Variants in CADM2 observed in about 807,000 individuals in gnomAD.
The protein encoded by CADM2 is cell adhesion molecule 2, also known as immunoglobulin superfamily member 4D.
In CADM2, 12 loss-of-function variants were observed where a neutral mutation model predicts 49.8. The observed-to-expected ratio is 0.24, with a 90% CI of 0.15 to 0.39. The LOEUF is 0.39. CADM2 is among the 10% of genes least tolerant of loss of function. The pLI is 1.00. For missense variants in CADM2, 378 were observed against 492.3 expected (o/e 0.77, Z 2.20); for synonymous variants, 214 against 175.4 (o/e 1.22, Z -1.74).
At chr3:85,598,343 A>T (rs563916765) in intron 1 of CADM2, among the ~76,000 whole-genome samples, 1 of 152,102 alleles carries the variant, frequency 6.6e-6, no homozygotes, top group East Asian at 1.9e-4. Context: ...AAATGTATCT[A>T]AAAATAAGCA....
chr3:85,423,985 T>C (rs2036287240), intron 1 of CADM2, among the ~76,000 whole-genome samples: 2 of 152,308 alleles, frequency 1.3e-5, no homozygotes, highest in South Asian at 4.1e-4. Flanking sequence ...TCCTGTCCTT[T>C]GGCATCCGAT....
chr3:85,840,340 A>C (rs2074588620), intron 3 of CADM2, among the ~76,000 whole-genome samples: 1 of 151,840 alleles, frequency 6.6e-6, no homozygotes. Context: ...TTCTATGAGG[A>C]TATCCATGAC....
At chr3:85,290,526 C>T (rs1214032956) in intron 1 of CADM2, among the ~76,000 whole-genome samples, 3 of 152,342 alleles carry the variant, frequency 2.0e-5, no homozygotes, top group Middle Eastern at 6.8e-3. Context: ...CCTCTGCAGA[C>T]TTAAATGTCC....
intron 3 of CADM2, among the ~76,000 whole-genome samples, chr3:85,847,141 CTGT>C (rs1329662630): frequency 6.6e-6 from 1 of 152,176 alleles, no homozygotes; most frequent in Admixed American, 6.5e-5. Flanking sequence ...GTGTGCCAGG[CTGT>C]TAATAACTTT....
chr3:85,518,835 T>C (rs1267971551), intron 1 of CADM2, among the ~76,000 whole-genome samples: 1 of 152,158 alleles, frequency 6.6e-6, no homozygotes, highest in Non-Finnish European at 1.5e-5. Flanking sequence ...CTCAAGATCT[T>C]CAATTTAGTC....
intron 1 of CADM2, among the ~76,000 whole-genome samples, chr3:85,218,448 G>C (rs1206710694): frequency 6.6e-6 from 1 of 152,066 alleles, no homozygotes; most frequent in Non-Finnish European, 1.5e-5. Flanking sequence ...CAGTGCTCCA[G>C]GCGGCCTTTA....
At position 85,762,882 on chromosome 3, in the gene CADM2, A is replaced by G. The variant is rs544744468; in HGVS notation, c.88+36334A>G. The stretch of plus-strand genomic sequence containing the variant: ...TGGACAAATTTAGATATAAATTTAG[A>G]TTTGGACAAATTTAGTTTATTCACT... On this transcript the variant is annotated intron_variant, in intron 2 of 9. Coordinates refer to ENST00000383699, the MANE Select transcript of CADM2 (RefSeq NM_001167675.2). Among the ~76,000 whole-genome samples the G allele has an allele frequency of 4.0e-5, 6 of 151,806 alleles. No individual in the cohort carries two copies. In the East Asian group the frequency reaches 9.7e-4, roughly 24 times the overall value.
chr3:85,310,208 T>A (rs918644732), intron 1 of CADM2, among the ~76,000 whole-genome samples: 1 of 152,214 alleles, frequency 6.6e-6, no homozygotes, highest in Non-Finnish European at 1.5e-5. Flanking sequence ...CTTAAAGCAT[T>A]ATCACAATAG....
intron 1 of CADM2, among the ~76,000 whole-genome samples, chr3:85,317,992 G>A (rs908830647): frequency 2.6e-5 from 4 of 151,996 alleles, no homozygotes; most frequent in Admixed American, 2.6e-4. Flanking sequence ...TTAAGTGGTA[G>A]TTTACAGAAC....
intron 1 of CADM2, among the ~76,000 whole-genome samples, chr3:85,393,473 T>C (rs2034618412): frequency 6.6e-6 from 1 of 152,138 alleles, no homozygotes; most frequent in African/African-American, 2.4e-5. Context: ...GCAGGAATAA[T>C]TGCTGAAGCT....
chr3:85,388,346 A>G (rs1439529278), intron 1 of CADM2, among the ~76,000 whole-genome samples: 1 of 152,196 alleles, frequency 6.6e-6, no homozygotes, highest in Admixed American at 6.5e-5. Flanking sequence ...TTGGCCTGGG[A>G]TTCGTCACAA....
intron 1 of CADM2, among the ~76,000 whole-genome samples, chr3:85,052,003 T>G (rs2035899941): frequency 6.6e-6 from 1 of 152,078 alleles, no homozygotes; most frequent in Admixed American, 6.6e-5. Flanking sequence ...TTGGAATAGC[T>G]AAACCAAATC....
chr3:85,746,096 GT>G (rs1221683751), intron 2 of CADM2, among the ~76,000 whole-genome samples: 2 of 152,022 alleles, frequency 1.3e-5, no homozygotes, highest in Admixed American at 6.6e-5. Context: ...AAAGGATGGA[GT>G]TTTTTATTTT....
intron 1 of CADM2, among the ~76,000 whole-genome samples, chr3:85,337,030 A>AATATATAT (rs571278048): frequency 7.3e-6 from 1 of 137,746 alleles, no homozygotes; most frequent in Non-Finnish European, 1.5e-5. Context: ...AATAAATATA[A>AATATATAT]ATATATATAT....
At chr3:85,362,216 G>T (rs2032410996) in intron 1 of CADM2, among the ~76,000 whole-genome samples, 1 of 152,166 alleles carries the variant, frequency 6.6e-6, no homozygotes, top group Non-Finnish European at 1.5e-5. Context: ...CCAGTACAGG[G>T]ATAGCTATGT....
At chr3:85,686,588 A>G (rs898978011) in intron 1 of CADM2, among the ~76,000 whole-genome samples, 1 of 152,216 alleles carries the variant, frequency 6.6e-6, no homozygotes, top group African/African-American at 2.4e-5. Context: ...TAGTATCTAA[A>G]TGACTTCTGT....
At chr3:85,401,621 G>T (rs1370868420) in intron 1 of CADM2, among the ~76,000 whole-genome samples, 7 of 152,126 alleles carry the variant, frequency 4.6e-5, no homozygotes, top group African/African-American at 1.7e-4. Context: ...TTAAGAACTT[G>T]CTAGTTTCAA....
At chr3:85,332,835 A>G (rs1339550205) in intron 1 of CADM2, among the ~76,000 whole-genome samples, 1 of 149,910 alleles carries the variant, frequency 6.7e-6, no homozygotes, top group Non-Finnish European at 1.5e-5. Flanking sequence ...ATCTGTGAAC[A>G]AGGCTTTTTT....
chr3:85,144,367 T>C (rs958204542), intron 1 of CADM2, among the ~76,000 whole-genome samples: 1 of 151,970 alleles, frequency 6.6e-6, no homozygotes, highest in Non-Finnish European at 1.5e-5. Flanking sequence ...TCTCAGCATT[T>C]TGGGAGACCG....
Sources: allele counts gnomAD v4.1 joint callset (sites outside exome capture counted in the v4.1 genomes callset), GRCh38; gene constraint gnomAD v4.1.1; transcripts MANE v1.5; gene names NCBI Gene and HGNC (gene_info 2026-07-23, HGNC 2026-07-21).